CTNND2: variants seen among roughly 807,000 people sequenced by gnomAD.
The protein encoded by CTNND2 is catenin delta-2.
CTNND2 carries 22 observed loss-of-function variants against 144.4 expected under a neutral mutation model. The observed-to-expected ratio is 0.15, with a 90% CI of 0.11 to 0.22. The LOEUF is 0.22. Among genes scored for constraint, CTNND2 ranks in the 10% least tolerant of loss-of-function variants. The pLI is 1.00. For synonymous variants in CTNND2, 751 were observed against 695.6 expected, an observed-to-expected ratio of 1.08 and a Z score of -1.25; for missense variants, 1,353 against 1,618.8, an observed-to-expected ratio of 0.84 and a Z score of 2.82.
chr5:11,856,688 A>C (rs1385558379), intron 1 of CTNND2, among the ~76,000 whole-genome samples: 7 of 152,172 alleles, frequency 4.6e-5, no homozygotes, highest in Non-Finnish European at 8.8e-5. Flanking sequence ...ACTAAAAAGA[A>C]CACCAGAAAA....
At chr5:11,669,377 G>C (rs183844767) in intron 2 of CTNND2, among the ~76,000 whole-genome samples, 339 of 152,276 alleles carry the variant, frequency 2.2e-3, no homozygotes, top group Non-Finnish European at 3.5e-3. Context: ...ATTCAGCTGT[G>C]AATCCATCTG....
intron 3 of CTNND2, among the ~76,000 whole-genome samples, chr5:11,421,148 G>A (rs1019458777): frequency 9.9e-5 from 15 of 152,066 alleles, no homozygotes; most frequent in Admixed American, 8.5e-4. Flanking sequence ...GCTAAATGAT[G>A]CTCCCACTAG....
At chr5:11,004,426 C>A (rs1561156769) in intron 18 of CTNND2, among the ~76,000 whole-genome samples, 2 of 152,204 alleles carry the variant, frequency 1.3e-5, no homozygotes, top group Admixed American at 6.5e-5. Flanking sequence ...GATGTTTACG[C>A]TGGGTCTCAA....
chr5:11,234,554 C>G (rs995378792), intron 10 of CTNND2, among the ~76,000 whole-genome samples: 4 of 152,202 alleles, frequency 2.6e-5, no homozygotes, highest in African/African-American at 9.6e-5. Flanking sequence ...CACTGGAAGG[C>G]CTGTGTTCAC....
At chr5:11,058,710 G>T (rs1418915384) in intron 16 of CTNND2, among the ~76,000 whole-genome samples, 2 of 152,232 alleles carry the variant, frequency 1.3e-5, no homozygotes, top group Admixed American at 1.3e-4. Context: ...CTTGCATCGT[G>T]AAGCTGGAAA....
chr5:11,204,878 C>G (rs1301399369), intron 10 of CTNND2, among the ~76,000 whole-genome samples: 1 of 152,078 alleles, frequency 6.6e-6, no homozygotes, highest in Non-Finnish European at 1.5e-5. Context: ...CGTGGCCTCC[C>G]AGGCATTCAG....
In CTNND2 at chr5:11,117,471, C is replaced by T. The variant is rs2285975; in HGVS notation, c.2256G>A (p.Gly752=). The change falls in exon 13 of 22, where the codon GGG becomes GGA. Residue 752 remains glycine (G), a synonymous_variant. Transcript: ENST00000304623. ...CAACCTTGCTATCGATCTCACTGCT[C>T]CCCAGCGCAGACTGGATCACGTACA... The part of the protein sequence containing the change: ...ALLYVIQSAL[G]SSEIDSKTVE... 0.089 allele frequency: 143,222 copies of T among 1,613,580 alleles called. 10,980 individuals are homozygous for T. Among genetic ancestry groups the T allele is most frequent in the East Asian group, 0.42 (18,910 of 44,832 alleles).
chr5:11,533,248 C>T (rs968870172), intron 3 of CTNND2, among the ~76,000 whole-genome samples: 1 of 152,210 alleles, frequency 6.6e-6, no homozygotes, highest in African/African-American at 2.4e-5. Flanking sequence ...AGCATATTTT[C>T]TAGGAAACAA....
chr5:11,106,557 C>A (rs1752444381), intron 14 of CTNND2, among the ~76,000 whole-genome samples: 1 of 152,202 alleles, frequency 6.6e-6, no homozygotes, highest in Admixed American at 6.5e-5. Context: ...TAATAAGAGG[C>A]TGCACTCTTT....
intron 10 of CTNND2, among the ~76,000 whole-genome samples, chr5:11,232,730 G>A (rs1400906945): frequency 6.6e-6 from 1 of 152,200 alleles, no homozygotes; most frequent in East Asian, 1.9e-4. Flanking sequence ...AGACTTTGGG[G>A]ATTGTTGGGA....
At chr5:11,148,358 G>T (rs1328067801) in intron 12 of CTNND2, among the ~76,000 whole-genome samples, 1 of 152,222 alleles carries the variant, frequency 6.6e-6, no homozygotes, top group African/African-American at 2.4e-5. Context: ...GAAAGGGATA[G>T]AAAGGATAGG....
chr5:11,443,320 C>T (rs1408326734), intron 3 of CTNND2, among the ~76,000 whole-genome samples: 1 of 57,248 alleles, frequency 1.7e-5, no homozygotes, highest in African/African-American at 7.4e-5. Context: ...GGTGTGTGTG[C>T]ATGTGTGTGT....
At chr5:11,385,675 T>G (rs898254098) in intron 6 of CTNND2, 8 of 152,278 alleles carry the variant, frequency 5.3e-5, no homozygotes, top group African/African-American at 1.9e-4. Flanking sequence ...CCCAGGTCAT[T>G]TCATTAGATA....
intron 8 of CTNND2, among the ~76,000 whole-genome samples, chr5:11,363,851 G>A (rs1296389197): frequency 6.6e-6 from 1 of 152,220 alleles, no homozygotes; most frequent in Non-Finnish European, 1.5e-5. Context: ...GCCAGCCTCA[G>A]TCCCTGCCGG....
At chr5:11,203,573 C>T (rs551633349) in intron 10 of CTNND2, among the ~76,000 whole-genome samples, 2 of 152,086 alleles carry the variant, frequency 1.3e-5, no homozygotes, top group East Asian at 1.9e-4. Context: ...TGAGGTTTCG[C>T]CATGTTGCCC....
At chr5:11,470,980 A>ATATATATATATATTT (rs1219093645) in intron 3 of CTNND2, among the ~76,000 whole-genome samples, 6 of 91,530 alleles carry the variant, frequency 6.6e-5, no homozygotes, top group East Asian at 2.8e-4. Context: ...ATATATATAT[A>ATATATATATATATTT]TTTTTTTTTT....
chr5:11,284,500 G>A (rs968794512), intron 9 of CTNND2, among the ~76,000 whole-genome samples: 8 of 152,148 alleles, frequency 5.3e-5, no homozygotes, highest in African/African-American at 1.4e-4. Context: ...ACTTAGAGGA[G>A]AGAACATGAG....
chr5:11,587,654 A>C (rs145249606), intron 2 of CTNND2, among the ~76,000 whole-genome samples: 6 of 152,232 alleles, frequency 3.9e-5, no homozygotes, highest in African/African-American at 1.4e-4. Flanking sequence ...TGTCAAAATT[A>C]AGGTGAAAAT....
At chr5:11,763,549 C>CT (rs753027505) in intron 1 of CTNND2, among the ~76,000 whole-genome samples, 1 of 152,190 alleles carries the variant, frequency 6.6e-6, no homozygotes, top group Non-Finnish European at 1.5e-5. Flanking sequence ...ACTGACTTAG[C>CT]TTTAATTGTC....
Sources: allele counts gnomAD v4.1 joint callset (sites outside exome capture counted in the v4.1 genomes callset), GRCh38; gene constraint gnomAD v4.1.1; transcripts MANE v1.5; gene names NCBI Gene and HGNC (gene_info 2026-07-23, HGNC 2026-07-21).